Variants in SEMA5A observed in about 807,000 individuals in gnomAD.
SEMA5A encodes semaphorin-5A.
A neutral mutation model predicts 135.5 loss-of-function variants in SEMA5A; 55 were observed. The ratio of observed to expected loss-of-function variants is 0.41; its 90% CI spans 0.33 to 0.51. The LOEUF is 0.51. Among genes scored for constraint, SEMA5A ranks in the 20% least tolerant of loss-of-function variants. The pLI, the probability that SEMA5A is intolerant of heterozygous loss-of-function variation, is 0.37. For missense variants in SEMA5A, 1,290 were observed against 1,419.9 expected, an observed-to-expected ratio of 0.91 and a Z score of 1.47; for synonymous variants, 580 against 546.5, an observed-to-expected ratio of 1.06 and a Z score of -0.85.
At chr5:9,188,262 A>G (rs1744913023) in intron 11 of SEMA5A, among the ~76,000 whole-genome samples, 1 of 152,346 alleles carries the variant, frequency 6.6e-6, no homozygotes, top group East Asian at 1.9e-4. Context: ...ATCAGCCACC[A>G]TGATCTTAGA....
intron 1 of SEMA5A, among the ~76,000 whole-genome samples, chr5:9,500,256 T>A (rs1735522194): frequency 1.3e-5 from 2 of 152,222 alleles, no homozygotes; most frequent in African/African-American, 2.4e-5. Flanking sequence ...ATGCAGCGCA[T>A]GGCTTGAACT....
intron 13 of SEMA5A, among the ~76,000 whole-genome samples, chr5:9,126,556 C>CAAA (rs112437159): frequency 0.039 from 5,281 of 136,462 alleles, 322 homozygotes; most frequent in African/African-American, 0.13. Context: ...GGAATGACAG[C>CAAA]AAAAAAAAAA....
intron 6 of SEMA5A, among the ~76,000 whole-genome samples, chr5:9,236,849 A>C (rs1368986012): frequency 6.6e-6 from 1 of 152,066 alleles, no homozygotes; most frequent in African/African-American, 2.4e-5. Flanking sequence ...GCTGGCTGAC[A>C]CTTGCCTCAG....
intron 4 of SEMA5A, among the ~76,000 whole-genome samples, chr5:9,328,287 C>T (rs1752966903): frequency 1.3e-5 from 2 of 152,216 alleles, no homozygotes. Context: ...GATCCACAAC[C>T]CGCAACTGCC....
chr5:9,071,849 G>A (rs1225401163), intron 16 of SEMA5A, among the ~76,000 whole-genome samples: 1 of 152,192 alleles, frequency 6.6e-6, no homozygotes, highest in Non-Finnish European at 1.5e-5. Context: ...TTGGCCTGCT[G>A]AGACTGAAAG....
rs114610214 is a variant in SEMA5A at position 9,095,017 on chromosome 5, C to T, written c.2073+13123G>A. On this transcript the variant is annotated intron_variant, in intron 16 of 22. Transcript: ENST00000382496. ...TGAAGGGACAAGTGTTCAGAAATGACAGTTACTGTGGCACACTATCAGGCC... is the reference window on the plus strand; with the variant it reads ...TGAAGGGACAAGTGTTCAGAAATGATAGTTACTGTGGCACACTATCAGGCC... Among the ~76,000 whole-genome samples, 975 of 152,070 alleles carry T rather than the reference C, an allele frequency of 6.4e-3. 10 individuals carry two copies. Among genetic ancestry groups the T allele is most frequent in the African/African-American group, 0.023 (935 of 41,442 alleles).
chr5:9,052,102 T>C, intron 19 of SEMA5A, 74 bp from the exon 20 acceptor site: 1 of 1,419,042 alleles, frequency 7.0e-7, no homozygotes, highest in Non-Finnish European at 9.3e-7. Context: ...ACTGGCAAGT[T>C]ACATATGTGA....
intron 5 of SEMA5A, among the ~76,000 whole-genome samples, chr5:9,247,228 G>A (rs187680446): frequency 5.4e-4 from 82 of 152,236 alleles, no homozygotes; most frequent in South Asian, 5.0e-3. Flanking sequence ...GTGATTTTGT[G>A]TGTTAGATTT....
intron 1 of SEMA5A, among the ~76,000 whole-genome samples, chr5:9,458,842 G>C (rs989858376): frequency 6.6e-6 from 1 of 152,192 alleles, no homozygotes; most frequent in African/African-American, 2.4e-5. Context: ...TAGGCAGGGA[G>C]TCCCAACGAT....
chr5:9,361,514 C>G (rs947211468), intron 3 of SEMA5A, among the ~76,000 whole-genome samples: 9 of 152,140 alleles, frequency 5.9e-5, no homozygotes, highest in African/African-American at 1.7e-4. Flanking sequence ...TAGATAAATA[C>G]TTAATAAATG....
At chr5:9,161,478 CA>C (rs1031029110) in intron 11 of SEMA5A, among the ~76,000 whole-genome samples, 3 of 151,918 alleles carry the variant, frequency 2.0e-5, no homozygotes, top group African/African-American at 4.8e-5. Context: ...CCAAGGTTTC[CA>C]AAAAAATTAT....
At chr5:9,431,550 C>T (rs1348327559) in intron 2 of SEMA5A, among the ~76,000 whole-genome samples, 5 of 152,122 alleles carry the variant, frequency 3.3e-5, no homozygotes, top group African/African-American at 4.8e-5. Context: ...CACTAGCTTT[C>T]CTAGATAAAG....
At chr5:9,194,120 G>C (rs566611384) in intron 10 of SEMA5A, among the ~76,000 whole-genome samples, 1 of 152,080 alleles carries the variant, frequency 6.6e-6, no homozygotes, top group Non-Finnish European at 1.5e-5. Flanking sequence ...ACTGGGCCTC[G>C]GTGATGTTTT....
At chr5:9,384,603 GATAGATAGATAGATAC>G (rs1561207764) in intron 2 of SEMA5A, among the ~76,000 whole-genome samples, 1,219 of 106,978 alleles carry the variant, frequency 0.011, 56 homozygotes, top group African/African-American at 0.015. Context: ...TAGATAGATA[GATAGATAGATAGATAC>G]ATAGATAGAT....
At chr5:9,336,254 A>G (rs1454631640) in intron 4 of SEMA5A, among the ~76,000 whole-genome samples, 1 of 152,200 alleles carries the variant, frequency 6.6e-6, no homozygotes, top group East Asian at 1.9e-4. Flanking sequence ...TGCCTGGACC[A>G]TGTGAGAATG....
At chr5:9,227,231 A>G (rs1347160681) in intron 6 of SEMA5A, among the ~76,000 whole-genome samples, 1 of 152,220 alleles carries the variant, frequency 6.6e-6, no homozygotes, top group Non-Finnish European at 1.5e-5. Context: ...TTGATAAAAA[A>G]TATGAAGATA....
chr5:9,456,979 G>A (rs377121271), intron 1 of SEMA5A, among the ~76,000 whole-genome samples: 45 of 152,208 alleles, frequency 3.0e-4, no homozygotes, highest in Middle Eastern at 3.4e-3. Flanking sequence ...CATCATGAAC[G>A]TAACTAAAGC....
intron 2 of SEMA5A, among the ~76,000 whole-genome samples, chr5:9,420,556 A>G (rs1757430223): frequency 6.6e-6 from 1 of 152,186 alleles, no homozygotes; most frequent in South Asian, 2.1e-4. Context: ...AGAAGAATGA[A>G]TGTTGTCAGA....
chr5:9,200,382 C>A (rs40684), intron 9 of SEMA5A, among the ~76,000 whole-genome samples: 45 of 151,838 alleles, frequency 3.0e-4, no homozygotes, highest in African/African-American at 9.9e-4. Context: ...TTTGTTTTGC[C>A]CAGAGCCAGG....
Sources: allele counts gnomAD v4.1 joint callset (sites outside exome capture counted in the v4.1 genomes callset), GRCh38; gene constraint gnomAD v4.1.1; transcripts MANE v1.5; gene names NCBI Gene and HGNC (gene_info 2026-07-23, HGNC 2026-07-21).